MCF2L2: variants seen among roughly 807,000 people sequenced by gnomAD.
MCF2L2 encodes MCF.2 cell line derived transforming sequence-like 2.
Under a neutral mutation model 150.2 loss-of-function variants are expected in MCF2L2, and 102 were observed. The observed-to-expected ratio is 0.68, with a 90% CI of 0.58 to 0.80. MCF2L2 has a LOEUF of 0.80. MCF2L2 is among the 30% of genes least tolerant of loss of function. The pLI is 0.00. For synonymous variants in MCF2L2, 465 were observed against 491.3 expected (o/e 0.95, Z 0.71); for missense variants, 1,256 against 1,372.8 (o/e 0.91, Z 1.34).
At chr3:183,395,126 CATA>C (rs1182650719) in intron 1 of MCF2L2, among the ~76,000 whole-genome samples, 4 of 152,176 alleles carry the variant, frequency 2.6e-5, no homozygotes, top group South Asian at 4.1e-4. Context: ...TTAAAATCTC[CATA>C]ATATTTTATG....
chr3:183,293,898 C>T (rs1728307902), intron 13 of MCF2L2, among the ~76,000 whole-genome samples: 2 of 152,044 alleles, frequency 1.3e-5, no homozygotes, highest in Non-Finnish European at 2.9e-5. Flanking sequence ...AAGGCCTTTA[C>T]ACTCAAAACG....
Position 183,223,389 on chromosome 3 carries a change from T to C in MCF2L2, c.2258A>G (p.Lys753Arg), listed in dbSNP as rs749855768. 2 of 1,614,058 alleles carry C rather than the reference T, an allele frequency of 1.2e-6. No individual in the cohort carries two copies. The highest frequency in any genetic ancestry group is 4.5e-5 in the East Asian group (2 of 44,902). Reference protein sequence around the residue: ...DHNLPLFKYLKGPSQRLIKYQ... With the variant: ...DHNLPLFKYLRGPSQRLIKYQ... ...TTTTATAAGTCTCTGGCTTGGTCCT[T>C]TGAGATACTTAAAAAGAGGGAGATT... Residue 753 changes from lysine (K) to arginine (R), a missense_variant, in exon 20 of 30, where the codon AAA becomes AGA. Transcript: ENST00000328913.
intron 5 of MCF2L2, among the ~76,000 whole-genome samples, chr3:183,330,560 T>C (rs1161707448): frequency 6.6e-6 from 1 of 152,070 alleles, no homozygotes; most frequent in East Asian, 1.9e-4. Context: ...GATGGGGCTG[T>C]TCTGTATCTT....
chr3:183,342,620 ATGTGTGTGTGTGTG>A (rs57683720), intron 3 of MCF2L2, among the ~76,000 whole-genome samples: 11,007 of 142,918 alleles, frequency 0.077, 562 homozygotes, highest in African/African-American at 0.15. Flanking sequence ...TGAAGATTAA[ATGTGTGTGTGTGTG>A]TGTGTGTGTG....
rs1462530491 is a variant in MCF2L2 at position 183,310,793 on chromosome 3, G to T, written c.993+122C>A. The stretch of plus-strand genomic sequence containing the variant: ...AGGGGGTGGTCTGTAAAGAAGCAAG[G>T]AGATAAGGAGAAAGCTGGATTAGGG... On this transcript the variant is annotated intron_variant, in intron 9 of 29. Coordinates refer to ENST00000328913, the MANE Select transcript of MCF2L2 (RefSeq NM_015078.4). The T allele has an allele frequency of 4.6e-6, 3 of 657,738 alleles. No homozygotes were observed. In the South Asian group the frequency reaches 6.0e-5, roughly 13 times the overall value. The allele number at this position is 657,738 out of a possible 1,614,324, so 40.7% of individuals were successfully genotyped here. A position where few individuals can be genotyped will look rare whatever the true frequency, so the allele number is the denominator to read the frequency against.
Position 183,224,145 on chromosome 3 carries a change from G to A in MCF2L2, c.2161C>T (p.Arg721Ter), listed in dbSNP as rs924103353. The A allele has an allele frequency of 4.3e-6, 7 of 1,613,786 alleles. No homozygotes were observed. Among genetic ancestry groups the A allele is most frequent in the Middle Eastern group, 1.6e-4 (1 of 6,084 alleles). ...IYFKYHKNLPRARAIWQECQD... is the reference protein window; with the variant it reads ...IYFKYHKNLP Reference sequence around the variant, plus strand: ...CACTCTTGCCAGATTGCCCTAGCTCGGGGCAGATTCTTATGGTATTTAAAA... The same window carrying A: ...CACTCTTGCCAGATTGCCCTAGCTCAGGGCAGATTCTTATGGTATTTAAAA... The change falls in exon 19 of 30, where the codon CGA (arginine) becomes TGA (stop). Residue 721 changes from arginine to a stop codon, truncating the protein, a stop_gained. Transcript: ENST00000328913. LOFTEE classifies it high-confidence loss of function.
At chr3:183,304,629 CTAAT>C (rs774247419) in intron 10 of MCF2L2, among the ~76,000 whole-genome samples, 79 of 149,266 alleles carry the variant, frequency 5.3e-4, no homozygotes, top group South Asian at 3.2e-3. Flanking sequence ...CTATGCCTGG[CTAAT>C]TTTTTTTTTT....
At chr3:183,297,427 T>C in intron 11 of MCF2L2, 1 of 406,972 alleles carries the variant, frequency 2.5e-6, no homozygotes, top group Admixed American at 4.0e-5. Flanking sequence ...TTAACAGTAA[T>C]TGCTACATCT....
chr3:183,291,274 C>T (rs1273113981), intron 13 of MCF2L2, among the ~76,000 whole-genome samples: 1 of 152,206 alleles, frequency 6.6e-6, no homozygotes, highest in Non-Finnish European at 1.5e-5. Flanking sequence ...ACAGAAGCCA[C>T]ACTGCCAGTG....
intron 4 of MCF2L2, among the ~76,000 whole-genome samples, chr3:183,340,867 C>T (rs1364869593): frequency 1.3e-5 from 2 of 152,142 alleles, no homozygotes; most frequent in Admixed American, 6.5e-5. Flanking sequence ...CTCTCGAACC[C>T]GGGAGGCAGA....
intron 3 of MCF2L2, among the ~76,000 whole-genome samples, chr3:183,345,283 C>T (rs1730855633): frequency 6.6e-6 from 1 of 152,158 alleles, no homozygotes; most frequent in African/African-American, 2.4e-5. Context: ...AACTGCACAA[C>T]TACATGGAAT....
At chr3:183,185,363 GTAAC>G (rs969675600) in intron 27 of MCF2L2, among the ~76,000 whole-genome samples, 6 of 152,244 alleles carry the variant, frequency 3.9e-5, no homozygotes, top group African/African-American at 1.4e-4. Context: ...GAACCAGGGG[GTAAC>G]TAACTGCTAA....
At chr3:183,380,051 T>G (rs1368249777) in intron 2 of MCF2L2, among the ~76,000 whole-genome samples, 4 of 152,060 alleles carry the variant, frequency 2.6e-5, no homozygotes, top group African/African-American at 7.2e-5. Flanking sequence ...TGATTATAAT[T>G]ATTATTATTA....
chr3:183,179,089 A>C lies in MCF2L2; in HGVS notation c.*291T>G. ...GGAGCACAGAGAAGCCCACGCAGCA[A>C]AGAATTGCCCGGCTCCGAATATCGA... On this transcript the variant is annotated 3_prime_UTR_variant, in exon 30 of 30. Transcript: ENST00000328913. The surrounding 1 kb of genome is among the most constrained non-coding windows in gnomAD (Gnocchi z 4.2). The C allele has an allele frequency of 2.9e-6, 1 of 343,602 alleles. No individual in the cohort carries two copies. 21.3% of individuals were successfully genotyped at this position (343,602 alleles called of 1,614,324 possible).
Position 183,363,588 on chromosome 3 carries a change from T to A in MCF2L2, c.275+15709A>T, listed in dbSNP as rs559443154. Among the ~76,000 whole-genome samples the A allele has an allele frequency of 2.0e-5, 3 of 152,100 alleles. No homozygotes were observed. The East Asian group carries it at 5.8e-4, about 29-fold the overall frequency. The stretch of plus-strand genomic sequence containing the variant: ...GGGAGACCCCAACTCTACAAAAAAA[T>A]AATTAGCCAGGCATAATGGTGCATG... On this transcript the variant is annotated intron_variant, in intron 3 of 29. Transcript: ENST00000328913.
At chr3:183,281,665 A>AC (rs1727489856) in intron 14 of MCF2L2, among the ~76,000 whole-genome samples, 1 of 151,976 alleles carries the variant, frequency 6.6e-6, no homozygotes, top group African/African-American at 2.4e-5. Context: ...GACTGCCTCT[A>AC]CCTTTAGTCC....
intron 3 of MCF2L2, among the ~76,000 whole-genome samples, chr3:183,351,190 G>GTGTATGTATA (rs1491563903): frequency 1.3e-4 from 5 of 38,844 alleles, no homozygotes; most frequent in African/African-American, 4.3e-4. Flanking sequence ...ATTTTCTTAA[G>GTGTATGTATA]TATATATATA....
intron 15 of MCF2L2, among the ~76,000 whole-genome samples, chr3:183,258,054 G>A (rs764107374): frequency 8.2e-5 from 10 of 122,636 alleles, no homozygotes; most frequent in African/African-American, 2.7e-4. Flanking sequence ...CGCAACCTCC[G>A]CCTCCTGGGT....
chr3:183,362,570 A>G (rs577678403), intron 3 of MCF2L2, among the ~76,000 whole-genome samples: 1 of 152,080 alleles, frequency 6.6e-6, no homozygotes, highest in East Asian at 1.9e-4. Context: ...TAAAGGCAAA[A>G]AGAAGTAATA....
Sources: gnomAD v4.1 joint callset for allele counts (sites outside exome capture counted in the v4.1 genomes callset) on GRCh38, gnomAD v4.1.1 for gene constraint, Gnocchi (gnomAD v3.1) non-coding constraint, MANE v1.5 for transcripts, NCBI Gene and HGNC (gene_info 2026-07-23, HGNC 2026-07-21) for gene names.